Variants in LRRC4C observed in about 807,000 individuals in gnomAD.
LRRC4C encodes the protein leucine rich repeat containing 4C, also known as leucine-rich repeat-containing protein 4C.
In LRRC4C, 5 loss-of-function variants were observed where a neutral mutation model predicts 33.6. The observed-to-expected ratio is 0.15, with a 90% CI of 0.08 to 0.31. The LOEUF (loss-of-function observed/expected upper bound fraction) is 0.31, where lower values mean the gene tolerates loss of function less well. Among genes scored for constraint, LRRC4C ranks in the 10% least tolerant of loss-of-function variants. LRRC4C has a pLI of 1.00. For missense variants in LRRC4C, 560 were observed against 796.7 expected (o/e 0.70, Z 3.58); for synonymous variants, 329 against 302.0 (o/e 1.09, Z -0.93).
chr11:40,262,543 T>G (rs947987727), intron 4 of LRRC4C, among the ~76,000 whole-genome samples: 1 of 152,204 alleles, frequency 6.6e-6, no homozygotes, highest in Non-Finnish European at 1.5e-5. Context: ...GTATGTTTAT[T>G]GTGGCACTAT....
chr11:40,810,205 T>A (rs897503608), intron 2 of LRRC4C, among the ~76,000 whole-genome samples: 1 of 152,192 alleles, frequency 6.6e-6, no homozygotes, highest in Admixed American at 6.5e-5. Flanking sequence ...TATCTTCCAT[T>A]ATCTAATTGA....
chr11:40,643,181 T>TAC (rs1039629642), intron 3 of LRRC4C, among the ~76,000 whole-genome samples: 15 of 151,842 alleles, frequency 9.9e-5, no homozygotes, highest in African/African-American at 2.7e-4. Context: ...TACATATATA[T>TAC]ACACACACAC....
At chr11:40,773,457 A>G (rs1246263311) in intron 2 of LRRC4C, among the ~76,000 whole-genome samples, 1 of 150,378 alleles carries the variant, frequency 6.6e-6, no homozygotes, top group East Asian at 2.1e-4. Flanking sequence ...GTATCAAAAT[A>G]TCTCATGTAC....
intron 1 of LRRC4C, among the ~76,000 whole-genome samples, chr11:41,108,199 C>T (rs561879909): frequency 4.6e-5 from 7 of 152,120 alleles, no homozygotes; most frequent in Non-Finnish European, 7.4e-5. Context: ...TTCCCCTTCC[C>T]CTACCCTTAG....
chr11:40,799,023 A>G (rs967064446), intron 2 of LRRC4C, among the ~76,000 whole-genome samples: 1 of 152,192 alleles, frequency 6.6e-6, no homozygotes, highest in Admixed American at 6.5e-5. Flanking sequence ...TTTTTGTGAA[A>G]TAAAATCACA....
chr11:41,206,751 T>G (rs1946617385), intron 1 of LRRC4C, among the ~76,000 whole-genome samples: 1 of 152,154 alleles, frequency 6.6e-6, no homozygotes, highest in Non-Finnish European at 1.5e-5. Flanking sequence ...CTTCTTTAAC[T>G]GTTACTGCTA....
intron 3 of LRRC4C, among the ~76,000 whole-genome samples, chr11:40,629,133 A>T (rs1963238212): frequency 6.6e-6 from 1 of 152,212 alleles, no homozygotes; most frequent in Non-Finnish European, 1.5e-5. Context: ...AGAAGATAAA[A>T]ATATAAAAAT....
intron 5 of LRRC4C, among the ~76,000 whole-genome samples, chr11:40,231,206 A>G (rs1865171128): frequency 6.6e-6 from 1 of 152,150 alleles, no homozygotes; most frequent in Admixed American, 6.6e-5. Flanking sequence ...TTTGTCTCTT[A>G]AATAAGAAAA....
At chr11:40,442,150 C>T (rs1256563811) in intron 3 of LRRC4C, among the ~76,000 whole-genome samples, 2 of 103,288 alleles carry the variant, frequency 1.9e-5, no homozygotes, top group Admixed American at 1.5e-4. Flanking sequence ...GTGACAGAGC[C>T]AGACTCCATT....
At chr11:40,816,248 G>A (rs1309869243) in intron 2 of LRRC4C, among the ~76,000 whole-genome samples, 1 of 152,202 alleles carries the variant, frequency 6.6e-6, no homozygotes, top group Non-Finnish European at 1.5e-5. Context: ...GAACTGGGAT[G>A]TAAAAGCAAA....
intron 1 of LRRC4C, among the ~76,000 whole-genome samples, chr11:41,381,960 T>C (rs991422296): frequency 4.0e-5 from 6 of 151,410 alleles, no homozygotes; most frequent in African/African-American, 1.5e-4. Context: ...TATATATGCA[T>C]ATATTCATAT....
At chr11:40,278,407 G>A (rs1027981338) in intron 4 of LRRC4C, among the ~76,000 whole-genome samples, 1 of 152,160 alleles carries the variant, frequency 6.6e-6, no homozygotes, top group Non-Finnish European at 1.5e-5. Flanking sequence ...GTGACCAGGA[G>A]TGTGGGTATT....
intron 1 of LRRC4C, among the ~76,000 whole-genome samples, chr11:41,270,284 T>A (rs569094132): frequency 1.8e-3 from 273 of 152,270 alleles, no homozygotes; most frequent in Middle Eastern, 3.4e-3. Context: ...TCCTTGACTA[T>A]AGCAATTTTG....
At chr11:40,254,867 G>T (rs907601215) in intron 4 of LRRC4C, among the ~76,000 whole-genome samples, 1 of 152,090 alleles carries the variant, frequency 6.6e-6, no homozygotes, top group Non-Finnish European at 1.5e-5. Flanking sequence ...AAAGTGCAGT[G>T]GTCCAATTAT....
intron 4 of LRRC4C, among the ~76,000 whole-genome samples, chr11:40,284,005 T>C (rs1180285598): frequency 6.6e-6 from 1 of 152,090 alleles, no homozygotes; most frequent in African/African-American, 2.4e-5. Flanking sequence ...ACCCAGTCAA[T>C]GGGATCCACA....
intron 3 of LRRC4C, among the ~76,000 whole-genome samples, chr11:40,500,293 T>TATACAC (rs1394949843): frequency 3.6e-3 from 346 of 96,854 alleles, no homozygotes; most frequent in Middle Eastern, 0.013. Flanking sequence ...TATATATATA[T>TATACAC]ACACACACAC....
intron 2 of LRRC4C, among the ~76,000 whole-genome samples, chr11:40,771,994 G>A (rs1332016378): frequency 6.6e-6 from 1 of 152,054 alleles, no homozygotes; most frequent in Non-Finnish European, 1.5e-5. Flanking sequence ...CTGTTACCTA[G>A]TTCCAAAGTC....
intron 1 of LRRC4C, 126 bp from the exon 2 acceptor site, chr11:40,933,849 C>G (rs1957744807): frequency 6.6e-6 from 1 of 152,210 alleles, no homozygotes; most frequent in Non-Finnish European, 1.5e-5. Context: ...TTATATTTCT[C>G]TACAGTAAGT....
intron 1 of LRRC4C, among the ~76,000 whole-genome samples, chr11:41,302,548 G>A (rs1950316088): frequency 6.6e-6 from 1 of 152,040 alleles, no homozygotes; most frequent in South Asian, 2.1e-4. Flanking sequence ...ACATCAAATG[G>A]CACAAATCGG....
Sources: allele counts gnomAD v4.1 joint callset (sites outside exome capture counted in the v4.1 genomes callset), GRCh38; gene constraint gnomAD v4.1.1; transcripts MANE v1.5; gene names NCBI Gene and HGNC (gene_info 2026-07-23, HGNC 2026-07-21).